Variants in KCNMB2 observed in about 807,000 individuals in gnomAD.
KCNMB2 encodes the protein potassium calcium-activated channel subfamily M regulatory beta subunit 2.
Under a neutral mutation model 24.5 loss-of-function variants are expected in KCNMB2, and 9 were observed. The observed-to-expected ratio is 0.37, with a 90% CI of 0.22 to 0.64. KCNMB2 has a LOEUF of 0.64. KCNMB2 is among the 30% of genes least tolerant of loss of function. The probability of loss-of-function intolerance (pLI) is 0.63; values close to 1 mark genes in which losing one functional copy is unlikely to be tolerated. For missense variants in KCNMB2, 226 were observed against 284.3 expected (o/e 0.79, Z 1.47); for synonymous variants, 109 against 104.4 (o/e 1.04, Z -0.27).
chr3:178,759,687 G>GAT (rs1262074581), intron 1 of KCNMB2, among the ~76,000 whole-genome samples: 1 of 84,524 alleles, frequency 1.2e-5, no homozygotes. Context: ...TATCCAAGAG[G>GAT]ATATATATAC....
chr3:178,757,014 A>C (rs940548651), intron 1 of KCNMB2: 6 of 151,768 alleles, frequency 4.0e-5, no homozygotes, highest in African/African-American at 9.7e-5. Context: ...AATGAAAAAA[A>C]ATTCTTGGAA....
chr3:178,689,151 G>T (rs920707081), intron 1 of KCNMB2, among the ~76,000 whole-genome samples: 6 of 152,020 alleles, frequency 3.9e-5, no homozygotes, highest in African/African-American at 1.2e-4. Flanking sequence ...AATTTCTATT[G>T]TTATAGTGGA....
intron 1 of KCNMB2, among the ~76,000 whole-genome samples, chr3:178,669,443 AT>A (rs1720826635): frequency 6.6e-6 from 1 of 152,120 alleles, no homozygotes; most frequent in Non-Finnish European, 1.5e-5. Context: ...TAAAACAGGA[AT>A]TCTAATGCAG....
At chr3:178,698,991 A>C (rs2108337671) in intron 1 of KCNMB2, among the ~76,000 whole-genome samples, 1 of 152,264 alleles carries the variant, frequency 6.6e-6, no homozygotes, top group East Asian at 1.9e-4. Context: ...CTGTGCTGGG[A>C]GGGCCAAGGT....
chr3:178,834,929 G>C (rs1410971076), intron 4 of KCNMB2, among the ~76,000 whole-genome samples: 1 of 151,910 alleles, frequency 6.6e-6, no homozygotes, highest in Non-Finnish European at 1.5e-5. Flanking sequence ...AAGGAACCTA[G>C]TGCTTTTCAA....
chr3:178,817,067 C>A (rs993298033), intron 2 of KCNMB2, among the ~76,000 whole-genome samples: 2 of 151,838 alleles, frequency 1.3e-5, no homozygotes, highest in African/African-American at 4.9e-5. Context: ...ATAATTCCAA[C>A]CTTTGTTTCC....
intron 1 of KCNMB2, among the ~76,000 whole-genome samples, chr3:178,547,989 C>T (rs558117562): frequency 7.9e-5 from 12 of 152,332 alleles, no homozygotes; most frequent in Middle Eastern, 3.4e-3. Flanking sequence ...CCTCTTCCAA[C>T]GATAGATCTA....
At chr3:178,715,912 T>C (rs1213999882) in intron 1 of KCNMB2, among the ~76,000 whole-genome samples, 2 of 152,180 alleles carry the variant, frequency 1.3e-5, no homozygotes, top group African/African-American at 4.8e-5. Flanking sequence ...CCAAGACCTG[T>C]AGTGGTCCAA....
chr3:178,831,004 A>T (rs2108472061), intron 4 of KCNMB2, among the ~76,000 whole-genome samples: 1 of 152,270 alleles, frequency 6.6e-6, no homozygotes, highest in South Asian at 2.1e-4. Context: ...AATATCATAA[A>T]GTCATTCTCC....
rs576910377 is a variant in KCNMB2, at chr3:178,730,411, C to CCCA, written c.-67-76931_-67-76930insCAC. 4.0e-4 allele frequency among the ~76,000 whole-genome samples: 57 copies of CCCA among 142,894 alleles called. 1 individual carries two copies. Among genetic ancestry groups the CCCA allele is most frequent in the East Asian group, 1.0e-3 (5 of 4,908 alleles). 93.7% of individuals were successfully genotyped at this position (142,894 alleles called of 152,430 possible). A position where few individuals can be genotyped will look rare whatever the true frequency, so the allele number is the denominator to read the frequency against. On this transcript the variant is annotated intron_variant, in intron 1 of 4. Coordinates refer to ENST00000452583, the MANE Select transcript of KCNMB2 (RefSeq NM_181361.3). ...GTCACTACTGTCCCCCAACACCCCC[C>CCCA]CACACACACACACACACACAAACAC...
chr3:178,758,634 CTCTCTCCAAGAGGATATATATATA>C lies in KCNMB2; in HGVS notation c.-67-48702_-67-48679del. On this transcript the variant is annotated intron_variant, in intron 1 of 4. Transcript: ENST00000452583. ...CAAGAGGATATATATATATATATCT[CTCTCTCCAAGAGGATATATATATA>C]TCTCTCTCCAAGAGGATATATATAT... Among the ~76,000 whole-genome samples the C allele has an allele frequency of 2.9e-4, 2 of 6,800 alleles. 1 individual carries two copies. The highest frequency in any genetic ancestry group is 2.1e-3 in the African/African-American group (2 of 946). 4.5% of individuals were successfully genotyped at this position (6,800 alleles called of 152,430 possible).
chr3:178,793,031 C>G (rs1206144677), intron 1 of KCNMB2, among the ~76,000 whole-genome samples: 1 of 152,230 alleles, frequency 6.6e-6, no homozygotes, highest in Non-Finnish European at 1.5e-5. Flanking sequence ...GTAAACACAG[C>G]CACAAGCTAC....
At chr3:178,760,238 A>G (rs1283265053) in intron 1 of KCNMB2, among the ~76,000 whole-genome samples, 1 of 70,180 alleles carries the variant, frequency 1.4e-5, no homozygotes, top group African/African-American at 6.4e-5. Context: ...AGATATATCC[A>G]AGAGGATATA....
intron 1 of KCNMB2, among the ~76,000 whole-genome samples, chr3:178,686,164 T>C (rs973216516): frequency 6.6e-6 from 1 of 152,204 alleles, no homozygotes; most frequent in African/African-American, 2.4e-5. Flanking sequence ...TCTACATTGA[T>C]GGCTGAGGCC....
intron 2 of KCNMB2, among the ~76,000 whole-genome samples, chr3:178,817,166 G>A (rs1044408563): frequency 2.1e-5 from 3 of 143,088 alleles, no homozygotes; most frequent in Non-Finnish European, 4.5e-5. Flanking sequence ...GAATTAATAC[G>A]TTGGCAATAA....
At chr3:178,686,686 C>T (rs1228331960) in intron 1 of KCNMB2, among the ~76,000 whole-genome samples, 1 of 152,120 alleles carries the variant, frequency 6.6e-6, no homozygotes, top group Non-Finnish European at 1.5e-5. Flanking sequence ...TGTATGTATG[C>T]ACCTAAGTCC....
At chr3:178,682,818 C>T (rs999954007) in intron 1 of KCNMB2, among the ~76,000 whole-genome samples, 1 of 152,006 alleles carries the variant, frequency 6.6e-6, no homozygotes, top group South Asian at 2.1e-4. Context: ...CAATGAGATA[C>T]CATCTCACAT....
intron 1 of KCNMB2, among the ~76,000 whole-genome samples, chr3:178,544,505 T>C (rs187863455): frequency 3.3e-5 from 5 of 152,206 alleles, no homozygotes; most frequent in Admixed American, 3.3e-4. Context: ...GAATTTCAGC[T>C]CTGGAGAGGG....
chr3:178,805,887 C>G (rs1369609276), intron 1 of KCNMB2, among the ~76,000 whole-genome samples: 1 of 152,144 alleles, frequency 6.6e-6, no homozygotes, highest in Non-Finnish European at 1.5e-5. Flanking sequence ...ATCCTCCCTA[C>G]TAAGCCTCTC....
Sources: allele counts gnomAD v4.1 joint callset (sites outside exome capture counted in the v4.1 genomes callset), GRCh38; gene constraint gnomAD v4.1.1; transcripts MANE v1.5; gene names NCBI Gene and HGNC (gene_info 2026-07-23, HGNC 2026-07-21).